MSRA: variants seen among roughly 807,000 people sequenced by gnomAD.
MSRA encodes methionine sulfoxide reductase A.
MSRA carries 54 observed loss-of-function variants against 31.3 expected under a neutral mutation model. That is an observed-to-expected ratio of 1.73 (90% CI 1.39 to 2.17). The LOEUF is 2.17. Among genes scored for constraint, MSRA ranks in the 30% most tolerant of loss-of-function variants. The pLI is 0.00. For synonymous variants in MSRA, 169 were observed against 116.5 expected, an observed-to-expected ratio of 1.45 and a Z score of -2.90; for missense variants, 507 against 300.9, an observed-to-expected ratio of 1.69 and a Z score of -5.07.
At chr8:10,306,858 C>A (rs533881256) in intron 4 of MSRA, among the ~76,000 whole-genome samples, 4 of 152,268 alleles carry the variant, frequency 2.6e-5, no homozygotes, top group African/African-American at 9.6e-5. Flanking sequence ...TCAGTTGCAA[C>A]CCATCTTGCT....
At chr8:10,422,309 C>A (rs867789672) in intron 5 of MSRA, among the ~76,000 whole-genome samples, 2 of 152,284 alleles carry the variant, frequency 1.3e-5, no homozygotes, top group South Asian at 4.1e-4. Flanking sequence ...CCAGGCAGGG[C>A]ATGGTGCACT....
At chr8:10,099,173 A>C (rs140557098) in intron 1 of MSRA, among the ~76,000 whole-genome samples, 39 of 152,302 alleles carry the variant, frequency 2.6e-4, no homozygotes, top group African/African-American at 9.1e-4. Context: ...TTGTTCTCTG[A>C]TACAAAAAGA....
At chr8:10,427,425 C>T (rs558035629) in intron 5 of MSRA, among the ~76,000 whole-genome samples, 6 of 152,144 alleles carry the variant, frequency 3.9e-5, no homozygotes, top group Admixed American at 6.5e-5. Context: ...CAGATGTCAC[C>T]GGGACGTAAA....
At chr8:10,224,023 C>G (rs1015735979) in intron 2 of MSRA, among the ~76,000 whole-genome samples, 2 of 152,166 alleles carry the variant, frequency 1.3e-5, no homozygotes, top group African/African-American at 2.4e-5. Context: ...TCACTATAGT[C>G]TGCATCCTAG....
At chr8:10,418,717 A>T (rs1378284231) in intron 5 of MSRA, among the ~76,000 whole-genome samples, 1 of 148,022 alleles carries the variant, frequency 6.8e-6, no homozygotes, top group African/African-American at 2.5e-5. Flanking sequence ...ACTTCTAGAG[A>T]TAGTAGTGAT....
chr8:10,169,859 A>G (rs1370046325), intron 1 of MSRA, among the ~76,000 whole-genome samples: 1 of 150,810 alleles, frequency 6.6e-6, no homozygotes, highest in African/African-American at 2.4e-5. Context: ...GAGACCCATT[A>G]AGCTCACTTA....
intron 5 of MSRA, among the ~76,000 whole-genome samples, chr8:10,383,723 A>G (rs989448323): frequency 9.9e-5 from 15 of 152,138 alleles, no homozygotes; most frequent in South Asian, 2.1e-4. Context: ...TCCTTAATCT[A>G]CATGGACAAA....
intron 1 of MSRA, among the ~76,000 whole-genome samples, chr8:10,196,237 G>A (rs1041631626): frequency 4.6e-5 from 7 of 152,316 alleles, no homozygotes; most frequent in South Asian, 2.1e-4. Context: ...CTCTAGAAAC[G>A]TGTGCCACCT....
intron 5 of MSRA, among the ~76,000 whole-genome samples, chr8:10,330,877 A>G (rs1180908464): frequency 3.3e-5 from 5 of 152,070 alleles, no homozygotes; most frequent in African/African-American, 4.8e-5. Context: ...TGTCCCCCCA[A>G]ATTCATATGT....
At chr8:10,300,284 C>A (rs2129124401) in intron 3 of MSRA, among the ~76,000 whole-genome samples, 1 of 151,862 alleles carries the variant, frequency 6.6e-6, no homozygotes, top group African/African-American at 2.4e-5. Context: ...GAGATGGAGT[C>A]TCACCCTGTT....
At chr8:10,338,673 A>G (rs4841320) in intron 5 of MSRA, among the ~76,000 whole-genome samples, 1 of 152,176 alleles carries the variant, frequency 6.6e-6, no homozygotes, top group Non-Finnish European at 1.5e-5. Context: ...AGAAAGAAAA[A>G]CCTTTCAGGA....
intron 4 of MSRA, among the ~76,000 whole-genome samples, chr8:10,303,651 C>T (rs372982314): frequency 6.6e-6 from 1 of 152,182 alleles, no homozygotes; most frequent in Non-Finnish European, 1.5e-5. Flanking sequence ...CTGTGGTCCC[C>T]ACCCTTCTGC....
chr8:10,275,908 T>C (rs139616514), intron 3 of MSRA, among the ~76,000 whole-genome samples: 2 of 152,342 alleles, frequency 1.3e-5, no homozygotes, highest in Non-Finnish European at 2.9e-5. Context: ...TAACCTACTT[T>C]TTTAGTTTTG....
At chr8:10,418,106 A>G (rs1402204723) in intron 5 of MSRA, among the ~76,000 whole-genome samples, 1 of 152,172 alleles carries the variant, frequency 6.6e-6, no homozygotes, top group African/African-American at 2.4e-5. Context: ...ATTTCATACC[A>G]CCACAATACT....
intron 2 of MSRA, among the ~76,000 whole-genome samples, chr8:10,231,767 G>A (rs1404598443): frequency 2.6e-5 from 4 of 152,174 alleles, no homozygotes; most frequent in African/African-American, 9.7e-5. Flanking sequence ...GCCGGGCGTG[G>A]TGGCGGGCGC....
chr8:10,212,097 G>T (rs550433649), intron 2 of MSRA, among the ~76,000 whole-genome samples: 7 of 151,972 alleles, frequency 4.6e-5, no homozygotes, highest in African/African-American at 1.7e-4. Flanking sequence ...TGAGGCAGGA[G>T]AATTACTTGA....
chr8:10,212,369 T>C (rs565110478), intron 2 of MSRA, among the ~76,000 whole-genome samples: 25 of 152,260 alleles, frequency 1.6e-4, no homozygotes, highest in African/African-American at 5.8e-4. Flanking sequence ...GGTTGTATAT[T>C]ATAACGTATT....
chr8:10,379,055 G>A (rs545285730), intron 5 of MSRA, among the ~76,000 whole-genome samples: 51 of 152,176 alleles, frequency 3.4e-4, no homozygotes, highest in Non-Finnish European at 2.4e-4. Context: ...AACAGTATTA[G>A]TGCGTCTTTT....
intron 3 of MSRA, among the ~76,000 whole-genome samples, chr8:10,252,289 G>C (rs1211112219): frequency 1.3e-5 from 2 of 152,174 alleles, no homozygotes; most frequent in East Asian, 3.9e-4. Flanking sequence ...CACCCATTCT[G>C]CTCCTCTCAG....
Sources: gnomAD v4.1 joint callset for allele counts (sites outside exome capture counted in the v4.1 genomes callset) on GRCh38, gnomAD v4.1.1 for gene constraint, MANE v1.5 for transcripts, NCBI Gene and HGNC (gene_info 2026-07-23, HGNC 2026-07-21) for gene names.